PIP5K1B: variants seen among roughly 807,000 people sequenced by gnomAD.
PIP5K1B encodes the protein phosphatidylinositol-4-phosphate 5-kinase type 1 beta, also known as phosphatidylinositol 4-phosphate 5-kinase type-1 beta.
Under a neutral mutation model 67.0 loss-of-function variants are expected in PIP5K1B, and 42 were observed. The observed-to-expected ratio is 0.63, with a 90% CI of 0.49 to 0.81. The LOEUF (loss-of-function observed/expected upper bound fraction) is 0.81, where lower values mean the gene tolerates loss of function less well. Ranked by LOEUF, PIP5K1B falls within the 30% of genes least tolerant of loss-of-function variation. The pLI is 0.00. For synonymous variants in PIP5K1B, 214 were observed against 231.4 expected (o/e 0.92, Z 0.68); for missense variants, 459 against 646.3 (o/e 0.71, Z 3.14).
intron 12 of PIP5K1B, among the ~76,000 whole-genome samples, chr9:68,926,598 G>T (rs1219954782): frequency 6.6e-6 from 1 of 151,842 alleles, no homozygotes; most frequent in Non-Finnish European, 1.5e-5. Flanking sequence ...TTGAGATGGT[G>T]CCTCACTCTG....
At chr9:68,826,634 G>A (rs970518858) in intron 4 of PIP5K1B, among the ~76,000 whole-genome samples, 3 of 152,172 alleles carry the variant, frequency 2.0e-5, no homozygotes, top group Non-Finnish European at 4.4e-5. Flanking sequence ...GTAAGAACTT[G>A]TCTCTGCCTC....
chr9:68,976,672 A>G (rs1323431917), intron 14 of PIP5K1B, among the ~76,000 whole-genome samples: 3 of 152,188 alleles, frequency 2.0e-5, no homozygotes, highest in African/African-American at 7.2e-5. Flanking sequence ...TCAGAATGAA[A>G]CTGTTCTGCC....
At chr9:68,777,455 T>C (rs969359550) in intron 2 of PIP5K1B, among the ~76,000 whole-genome samples, 2 of 152,222 alleles carry the variant, frequency 1.3e-5, no homozygotes, top group Admixed American at 6.5e-5. Flanking sequence ...AATGTAGACT[T>C]GGTGTTGAGA....
At chr9:68,970,588 A>G (rs1194962293) in intron 14 of PIP5K1B, among the ~76,000 whole-genome samples, 1 of 152,212 alleles carries the variant, frequency 6.6e-6, no homozygotes. Flanking sequence ...CTCACTATAT[A>G]TCGTATTCCA....
intron 2 of PIP5K1B, among the ~76,000 whole-genome samples, chr9:68,760,567 G>A (rs1291199453): frequency 6.6e-6 from 1 of 152,056 alleles, no homozygotes. Context: ...CTTTGGGACA[G>A]TCCATGAGTG....
Position 68,767,327 on chromosome 9 carries a change from C to T in PIP5K1B, c.-86+24670C>T, listed in dbSNP as rs758554123. ...TAGCAATGCAGTCCGGGCGCTGTGG[C>T]TCACGCCTGTAATCCCAGCACTTTG... On this transcript the variant is annotated intron_variant, in intron 2 of 15. Coordinates refer to ENST00000265382, the MANE Select transcript of PIP5K1B (RefSeq NM_003558.4). Among the ~76,000 whole-genome samples the T allele has an allele frequency of 5.5e-4, 84 of 152,306 alleles. 1 individual carries two copies. The highest frequency in any genetic ancestry group is 3.4e-3 in the Middle Eastern group (1 of 292).
intron 14 of PIP5K1B, among the ~76,000 whole-genome samples, chr9:68,977,180 A>G (rs1227149155): frequency 1.3e-5 from 2 of 152,218 alleles, no homozygotes; most frequent in Non-Finnish European, 2.9e-5. Context: ...AGTAAAACAC[A>G]TTGTCCTAGA....
intron 2 of PIP5K1B, among the ~76,000 whole-genome samples, chr9:68,751,843 C>A (rs1268578076): frequency 6.6e-6 from 1 of 152,108 alleles, no homozygotes; most frequent in African/African-American, 2.4e-5. Context: ...TGTGAACATA[C>A]TAAATGTTTA....
At chr9:68,882,816 C>G (rs1168626558) in intron 6 of PIP5K1B, among the ~76,000 whole-genome samples, 1 of 152,158 alleles carries the variant, frequency 6.6e-6, no homozygotes, top group African/African-American at 2.4e-5. Context: ...CCTTTATATT[C>G]CAGGGTCCCA....
In PIP5K1B at chr9:68,894,555, T is replaced by C. The variant is rs1337055148; in HGVS notation, c.688T>C (p.Phe230Leu). 1 of 1,614,206 alleles carries C rather than the reference T, an allele frequency of 6.2e-7. No individual in the cohort carries two copies. The highest frequency in any genetic ancestry group is 1.7e-5 in the Admixed American group (1 of 60,030). ...KSNPTFKDLD[F>L]LQDMHEGLYF... ...CAACCCCACATTTAAGGACTTAGAT[T>C]TCCTGCAAGACATGCACGAAGGGTT... Residue 230 changes from phenylalanine to leucine, a missense_variant, in exon 8 of 16, where the codon TTC (phenylalanine) becomes CTC (leucine). Physicochemically the swap from Phe to Leu is conservative, Grantham distance 22 (BLOSUM62 0). Around this residue, in one of 2 missense-constraint regions of PIP5K1B, gnomAD observed 290 missense variants for 474.4 expected, o/e 0.61. Transcript: ENST00000265382.
intron 12 of PIP5K1B, among the ~76,000 whole-genome samples, chr9:68,927,663 C>T (rs902468233): frequency 2.6e-5 from 4 of 152,044 alleles, no homozygotes; most frequent in Non-Finnish European, 5.9e-5. Context: ...GACACAAGTC[C>T]GTTATCAGAT....
At chr9:68,918,764 A>AT (rs1382106274) in intron 9 of PIP5K1B, among the ~76,000 whole-genome samples, 1 of 152,210 alleles carries the variant, frequency 6.6e-6, no homozygotes, top group Non-Finnish European at 1.5e-5. Flanking sequence ...CATATTAAAT[A>AT]TTTTTTGAAA....
intron 2 of PIP5K1B, among the ~76,000 whole-genome samples, chr9:68,816,031 A>G (rs1453698304): frequency 2.6e-5 from 4 of 152,200 alleles, no homozygotes; most frequent in African/African-American, 9.7e-5. Context: ...TCCTAAAGAT[A>G]AAAATTGTTC....
intron 4 of PIP5K1B, among the ~76,000 whole-genome samples, chr9:68,859,081 C>T (rs187585847): frequency 1.3e-5 from 2 of 152,324 alleles, no homozygotes; most frequent in African/African-American, 2.4e-5. Flanking sequence ...AGAAGACCAG[C>T]GTATGCACAC....
At chr9:68,790,416 G>T (rs1008835605) in intron 2 of PIP5K1B, among the ~76,000 whole-genome samples, 1 of 152,154 alleles carries the variant, frequency 6.6e-6, no homozygotes, top group Admixed American at 6.5e-5. Context: ...AACCACAGTT[G>T]GTTCCAAAGG....
chr9:68,747,736 AAGT>A (rs1387140597), intron 2 of PIP5K1B, among the ~76,000 whole-genome samples: 1 of 152,142 alleles, frequency 6.6e-6, no homozygotes, highest in East Asian at 1.9e-4. Flanking sequence ...ATAATCCAAA[AAGT>A]AGAGTACTAG....
At chr9:68,930,400 G>A (rs1309333506) in intron 12 of PIP5K1B, among the ~76,000 whole-genome samples, 1 of 151,972 alleles carries the variant, frequency 6.6e-6, no homozygotes, top group Non-Finnish European at 1.5e-5. Context: ...TCTTATGGAA[G>A]ACCACCACAA....
chr9:68,949,716 T>TA (rs1827965454), intron 14 of PIP5K1B, among the ~76,000 whole-genome samples: 1 of 152,176 alleles, frequency 6.6e-6, no homozygotes, highest in Admixed American at 6.5e-5. Context: ...CAGTGAACAA[T>TA]ATGTGAATCG....
At chr9:68,840,507 T>C (rs1158304891) in intron 4 of PIP5K1B, among the ~76,000 whole-genome samples, 1 of 152,250 alleles carries the variant, frequency 6.6e-6, no homozygotes, top group African/African-American at 2.4e-5. Flanking sequence ...AACAGACATT[T>C]AGTATTCTTC....
Sources: gnomAD v4.1 joint callset for allele counts (sites outside exome capture counted in the v4.1 genomes callset) on GRCh38, gnomAD v4.1.1 for gene constraint, gnomAD v4.1.1 regional missense constraint, MANE v1.5 for transcripts, NCBI Gene and HGNC (gene_info 2026-07-23, HGNC 2026-07-21) for gene names.